TRIM64C: variants seen among roughly 807,000 people sequenced by gnomAD.
TRIM64C encodes tripartite motif containing 64C.
In TRIM64C, 25 loss-of-function variants were observed where a neutral mutation model predicts 36.1. That is an observed-to-expected ratio of 0.69 (90% CI 0.51 to 0.97). The LOEUF (loss-of-function observed/expected upper bound fraction) is 0.97. Among genes scored for constraint, TRIM64C ranks in the 50% least tolerant of loss-of-function variants. The pLI is 0.00. For synonymous variants in TRIM64C, 212 were observed against 185.7 expected (o/e 1.14, Z -1.15); for missense variants, 489 against 536.8 (o/e 0.91, Z 0.88).
intron 1 of TRIM64C, 102 bp downstream of exon 1, chr11:49,058,599 T>C (rs1854842141): frequency 6.6e-7 from 1 of 1,505,948 alleles, no homozygotes; most frequent in Admixed American, 2.1e-5. Context: ...CATGGAATAA[T>C]CGCCACCTCC....
Position 49,054,004 on chromosome 11 carries a change from G to A in TRIM64C, c.1063C>T (p.Leu355=). The change falls in exon 6 of 6, where the codon CTG becomes TTG. Residue 355 remains leucine (L), a synonymous_variant. Coordinates refer to ENST00000617704, the MANE Select transcript of TRIM64C (RefSeq NM_001206631.1). ...GTCCTAGAATCTCGACAGACTCCCAGAATCCAGTTGGAGGAGTGGGTCACA... is the reference window on the plus strand; with the variant it reads ...GTCCTAGAATCTCGACAGACTCCCAAAATCCAGTTGGAGGAGTGGGTCACA... The part of the protein sequence containing the change: ...VDVTHSSNWI[L]GVCRDSRTAD... The A allele has an allele frequency of 6.4e-7, 1 of 1,551,582 alleles. No homozygotes were observed. The highest frequency in any genetic ancestry group is 8.7e-7 in the Non-Finnish European group (1 of 1,146,842).
intron 1 of TRIM64C, among the ~76,000 whole-genome samples, 152 bp downstream of exon 1, chr11:49,058,549 T>C (rs1366877926): frequency 6.6e-6 from 1 of 151,878 alleles, no homozygotes; most frequent in Non-Finnish European, 1.5e-5. Context: ...GCCAAATTAG[T>C]CAGCAACATT....
At position 49,057,211 on chromosome 11, in the gene TRIM64C, C is replaced by T; in HGVS notation, c.675G>A (p.Gly225=). The T allele has an allele frequency of 6.5e-7, 1 of 1,549,638 alleles. No individual in the cohort carries two copies. ...SQVRMTQHLE[G]MKDMYRELWE... ...ACAGCTCTCTGTACATGTCTTTCAT[C>T]CCTTCTAAATGTTGGGTCATTCTCA... The change falls in exon 3 of 6, where the codon GGG becomes GGA. Residue 225 remains glycine (G), a synonymous_variant. Transcript: ENST00000617704.
At position 49,059,037 on chromosome 11, in the gene TRIM64C, C is replaced by G. The variant is rs1287348753; in HGVS notation, c.76G>C (p.Val26Leu). ...AAGCTGTGCACACAGTCAGTGGTGACCGGGTCTATGAAGTAGTTCACGCAA... is the reference window on the plus strand; with the variant it reads ...AAGCTGTGCACACAGTCAGTGGTGAGCGGGTCTATGAAGTAGTTCACGCAA... ...CICVNYFIDP[V>L]TTDCVHSFCR... The change falls in exon 1 of 6, where the codon GTC (valine) becomes CTC (leucine). Residue 26 changes from valine to leucine, a missense_variant. Transcript: ENST00000617704. 3.2e-6 allele frequency: 5 copies of G among 1,551,266 alleles called. No individual in the cohort carries two copies. The highest frequency in any genetic ancestry group is 4.4e-6 in the Non-Finnish European group (5 of 1,147,462).
intron 4 of TRIM64C, among the ~76,000 whole-genome samples, chr11:49,056,096 A>G (rs1854810303): frequency 6.6e-6 from 1 of 151,176 alleles, no homozygotes; most frequent in Non-Finnish European, 1.5e-5. Flanking sequence ...TTGTATTAAG[A>G]TCTCTGGGGT....
At position 49,057,017 on chromosome 11, in the gene TRIM64C, G is replaced by T. The variant is rs890674966; in HGVS notation, c.738+131C>A. ...TGCAGTAATAAATGACTGGAAAAAT[G>T]TAATGGTGGAAGTCACACAGCATGT... is the stretch of plus-strand genomic sequence containing the variant. On this transcript the variant is annotated intron_variant, in intron 3 of 5. Coordinates refer to ENST00000617704, the MANE Select transcript of TRIM64C (RefSeq NM_001206631.1). 13 of 1,278,568 alleles carry T rather than the reference G, an allele frequency of 1.0e-5. No individual in the cohort carries two copies. In the Admixed American group the frequency reaches 2.8e-4, roughly 27 times the overall value. The allele number at this position is 1,278,568 out of a possible 1,614,324, so 79.2% of individuals were successfully genotyped here.
At chr11:49,057,720 T>C (rs1854829749) in intron 2 of TRIM64C, 2 of 475,906 alleles carry the variant, frequency 4.2e-6, no homozygotes, top group Admixed American at 3.1e-5. Context: ...CACCATATTA[T>C]GCAGTATTTT....
chr11:49,059,021 A>G lies in TRIM64C; in HGVS notation c.92T>C (p.Val31Ala), dbSNP rs1299899931. The G allele has an allele frequency of 6.4e-7, 1 of 1,552,180 alleles. No homozygotes were observed. The highest frequency in any genetic ancestry group is 2.0e-5 in the Admixed American group (1 of 51,080). Reference protein sequence around the residue: ...YFIDPVTTDCVHSFCRPCLCL... With the variant: ...YFIDPVTTDCAHSFCRPCLCL... ...GAGGCAGGGCCTGCAAAAGCTGTGC[A>G]CACAGTCAGTGGTGACCGGGTCTAT... is the stretch of plus-strand genomic sequence containing the variant. Residue 31 changes from valine (V) to alanine (A), a missense_variant, in exon 1 of 6, where the codon GTG becomes GCG. Transcript: ENST00000617704.
intron 2 of TRIM64C, 30 bp from the exon 3 acceptor site, chr11:49,057,408 A>G: frequency 6.5e-7 from 1 of 1,543,894 alleles, no homozygotes; most frequent in Non-Finnish European, 8.8e-7. Flanking sequence ...AAAGGATTAC[A>G]TGTTCTCACT....
intron 5 of TRIM64C, among the ~76,000 whole-genome samples, chr11:49,054,817 A>T (rs1357079991): frequency 2.0e-5 from 3 of 152,064 alleles, no homozygotes. Flanking sequence ...TTGTTATGAG[A>T]TGTTTCTGAT....
intron 4 of TRIM64C, among the ~76,000 whole-genome samples, chr11:49,055,806 G>A (rs534680333): frequency 3.7e-4 from 57 of 152,220 alleles, no homozygotes; most frequent in Admixed American, 7.8e-4. Flanking sequence ...GAGAATGTTC[G>A]CTGAGACAAA....
chr11:49,055,519 T>A (rs1854803174), intron 4 of TRIM64C, 112 bp from the exon 5 acceptor site: 1 of 1,389,992 alleles, frequency 7.2e-7, no homozygotes, highest in Non-Finnish European at 9.8e-7. Context: ...CTGCCGGTTT[T>A]GGTTAACTGG....
rs773336520 is a variant in TRIM64C, at chr11:49,055,164, A to G, written c.859+146T>C. The G allele has an allele frequency of 4.4e-4, 409 of 936,570 alleles. 1 individual carries two copies. The highest frequency in any genetic ancestry group is 5.8e-4 in the Non-Finnish European group (369 of 633,732). The allele number at this position is 936,570 out of a possible 1,614,324, so 58.0% of individuals were successfully genotyped here. A position where few individuals can be genotyped will look rare whatever the true frequency, so the allele number is the denominator to read the frequency against. Reference sequence around the variant, plus strand: ...GAGTTTTGATCATTGTAATATTACTATGCAGGTAGAGAAGATGCACATGTT... The same window carrying G: ...GAGTTTTGATCATTGTAATATTACTGTGCAGGTAGAGAAGATGCACATGTT... On this transcript the variant is annotated intron_variant, in intron 5 of 5. Coordinates refer to ENST00000617704, the MANE Select transcript of TRIM64C (RefSeq NM_001206631.1).
Position 49,054,073 on chromosome 11 carries a change from A to T in TRIM64C, c.994T>A (p.Cys332Ser). The T allele has an allele frequency of 1.9e-6, 3 of 1,551,564 alleles. No homozygotes were observed. The highest frequency in any genetic ancestry group is 2.6e-6 in the Non-Finnish European group (3 of 1,146,842). ...TTGCCGGAGGTGAATGCTTGCGCAC[A>T]CCACACAGCAAAGCTCTCCACTCCT... ...PQGVESFAVW[C>S]AQAFTSGKHY... is the part of the protein sequence containing the mutation. Residue 332 changes from cysteine (C) to serine (S), a missense_variant, in exon 6 of 6, where the codon TGT (cysteine) becomes AGT (serine). Cys to Ser is a moderately radical substitution (Grantham distance 112). Transcript: ENST00000617704.
chr11:49,056,019 C>CTT (rs76420814), intron 4 of TRIM64C, among the ~76,000 whole-genome samples: 28 of 144,162 alleles, frequency 1.9e-4, no homozygotes, highest in African/African-American at 4.1e-4. Flanking sequence ...CTCGATCTGT[C>CTT]TTTTTTTTTT....
At position 49,058,887 on chromosome 11, in the gene TRIM64C, G is replaced by C. The variant is rs1318137735; in HGVS notation, c.226C>G (p.Leu76Val). The C allele has an allele frequency of 1.3e-6, 2 of 1,550,320 alleles. No individual in the cohort carries two copies. Among genetic ancestry groups the C allele is most frequent in the South Asian group, 1.2e-5 (1 of 83,984 alleles). ...TNVALKKLASLARQTRPQNIN... is the reference protein window; with the variant it reads ...TNVALKKLASVARQTRPQNIN... ...TTCTGAGGTCTGGTCTGTCTGGCTA[G>C]GGAAGCCAGCTTTTTGAGTGCCACA... is the stretch of plus-strand genomic sequence containing the variant. The change falls in exon 1 of 6, where the codon CTA (leucine) becomes GTA (valine). Residue 76 changes from leucine to valine, a missense_variant. Coordinates refer to ENST00000617704, the MANE Select transcript of TRIM64C (RefSeq NM_001206631.1).
chr11:49,055,092 G>A (rs1242096799), intron 5 of TRIM64C, among the ~76,000 whole-genome samples: 5 of 152,160 alleles, frequency 3.3e-5, no homozygotes, highest in Non-Finnish European at 7.4e-5. Flanking sequence ...TGCAGATAAA[G>A]TATGTATCTT....
In TRIM64C at chr11:49,057,157, C is replaced by T; in HGVS notation, c.729G>A (p.Glu243=). 6.5e-7 allele frequency: 1 copy of T among 1,549,304 alleles called. No individual in the cohort carries two copies. Among genetic ancestry groups the T allele is most frequent in the African/African-American group, 1.4e-5 (1 of 72,698 alleles). ...LWETYHMPDV[E]LLQDVGNISA... ...GACCCTCCCTCCTCACCTGGAGCAG[C>T]TCCACGTCAGGCATGTGGTATGTCT... Residue 243 remains glutamate (E), a synonymous_variant, in exon 3 of 6, where the codon GAG becomes GAA. Coordinates refer to ENST00000617704, the MANE Select transcript of TRIM64C (RefSeq NM_001206631.1).
intron 1 of TRIM64C, among the ~76,000 whole-genome samples, chr11:49,058,378 A>G (rs1854839021): frequency 6.6e-6 from 1 of 151,852 alleles, no homozygotes; most frequent in African/African-American, 2.4e-5. Flanking sequence ...GACCTTTCAG[A>G]TAATATCATC....
Sources: gnomAD v4.1 joint callset for allele counts (sites outside exome capture counted in the v4.1 genomes callset) on GRCh38, gnomAD v4.1.1 for gene constraint, MANE v1.5 for transcripts, NCBI Gene and HGNC (gene_info 2026-07-23, HGNC 2026-07-21) for gene names.